The following MEMO1 variants were observed in gnomAD, a reference collection of about 807,000 sequenced individuals.
The protein encoded by MEMO1 is protein MEMO1.
Under a neutral mutation model 45.2 loss-of-function variants are expected in MEMO1, and 6 were observed. The observed-to-expected ratio is 0.13, with a 90% CI of 0.07 to 0.26. The LOEUF (loss-of-function observed/expected upper bound fraction) is 0.26, where lower values mean the gene tolerates loss of function less well. Among genes scored for constraint, MEMO1 ranks in the 10% least tolerant of loss-of-function variants. MEMO1 has a pLI of 1.00. For synonymous variants in MEMO1, 78 were observed against 124.3 expected (o/e 0.63, Z 2.48); for missense variants, 184 against 370.5 (o/e 0.50, Z 4.13).
chr2:31,965,290 A>AAG lies in MEMO1; in HGVS notation c.62-21909_62-21908dup, dbSNP rs1256330545. 1.6e-4 allele frequency among the ~76,000 whole-genome samples: 24 copies of AAG among 150,152 alleles called. No individual in the cohort carries two copies. In the East Asian group the frequency reaches 3.6e-3, roughly 22 times the overall value. ...GAAGGAAGGGAAGAGAAGGGAAGGG[A>AAG]AGAAGGGAAGGAGGGAAGGAGGGAC... is the stretch of plus-strand genomic sequence containing the variant. On this transcript the variant is annotated intron_variant, in intron 2 of 9. Coordinates refer to ENST00000404530, the MANE Select transcript of MEMO1 (RefSeq NM_001301833.4).
intron 6 of MEMO1, among the ~76,000 whole-genome samples, chr2:31,915,748 G>A (rs1681345467): frequency 6.6e-6 from 1 of 152,186 alleles, no homozygotes; most frequent in South Asian, 2.1e-4. Context: ...AGCCCCATTT[G>A]AGCCACCTAA....
chr2:31,872,924 G>T (rs751245794), intron 8 of MEMO1, among the ~76,000 whole-genome samples: 1 of 152,086 alleles, frequency 6.6e-6, no homozygotes, highest in Non-Finnish European at 1.5e-5. Context: ...TTTAGAAATG[G>T]AACATTATTA....
intron 3 of MEMO1, among the ~76,000 whole-genome samples, chr2:31,933,348 A>AAAAATATATATATATAT (rs1558514269): frequency 6.2e-5 from 1 of 16,184 alleles, no homozygotes; most frequent in Non-Finnish European, 1.0e-4. Context: ...AAAAAAAAAA[A>AAAAATATATATATATAT]ATTTATATAT....
intron 2 of MEMO1, among the ~76,000 whole-genome samples, chr2:31,981,143 C>T (rs1670586944): frequency 6.6e-6 from 1 of 152,088 alleles, no homozygotes. Flanking sequence ...ACAGACAATC[C>T]CCATTACTAA....
At chr2:31,930,656 A>G (rs1038412037) in intron 4 of MEMO1, among the ~76,000 whole-genome samples, 1 of 151,204 alleles carries the variant, frequency 6.6e-6, no homozygotes, top group African/African-American at 2.4e-5. Context: ...ATATATATAT[A>G]TTTTTTTTGA....
chr2:31,990,798 G>A (rs563551520), intron 2 of MEMO1, among the ~76,000 whole-genome samples: 3 of 151,952 alleles, frequency 2.0e-5, no homozygotes, highest in African/African-American at 4.8e-5. Context: ...ACTCTTTAGG[G>A]CTATCAATAA....
chr2:31,963,024 GCAA>G lies in MEMO1; in HGVS notation c.62-19644_62-19642del, dbSNP rs1239823012. On this transcript the variant is annotated intron_variant, in intron 2 of 9. Transcript: ENST00000404530. ...TAATTCCTCCTGACTAAGCCTTCAA[GCAA>G]CAACATCAGATTTCTTCTGCCTTCA... 9.3e-6 allele frequency: 11 copies of G among 1,187,552 alleles called. No homozygotes were observed. The African/African-American group carries it at 1.2e-4, about 13-fold the overall frequency. 73.6% of individuals were successfully genotyped at this position (1,187,552 alleles called of 1,614,324 possible). A position where few individuals can be genotyped will look rare whatever the true frequency, so the allele number is the denominator to read the frequency against.
At chr2:31,975,646 C>A (rs554413430) in intron 2 of MEMO1, among the ~76,000 whole-genome samples, 2 of 152,246 alleles carry the variant, frequency 1.3e-5, no homozygotes, top group South Asian at 2.1e-4. Flanking sequence ...AACTCTGATA[C>A]ATTTAAATGT....
At chr2:31,982,653 G>A (rs1670791093) in intron 2 of MEMO1, among the ~76,000 whole-genome samples, 1 of 151,220 alleles carries the variant, frequency 6.6e-6, no homozygotes, top group South Asian at 2.1e-4. Context: ...TTAACTTTGG[G>A]AAATGATGCT....
intron 5 of MEMO1, among the ~76,000 whole-genome samples, chr2:31,918,838 T>G (rs771479413): frequency 3.3e-5 from 5 of 152,188 alleles, no homozygotes; most frequent in African/African-American, 9.6e-5. Flanking sequence ...AAGAAAGAAA[T>G]AAATGGTTGT....
chr2:31,988,300 A>C (rs1355138268), intron 2 of MEMO1, among the ~76,000 whole-genome samples: 1 of 152,052 alleles, frequency 6.6e-6, no homozygotes, highest in African/African-American at 2.4e-5. Flanking sequence ...TAATCCCAGC[A>C]CTTCGGGAGG....
At chr2:31,965,321 G>A (rs1408576628) in intron 2 of MEMO1, among the ~76,000 whole-genome samples, 1 of 151,958 alleles carries the variant, frequency 6.6e-6, no homozygotes. Flanking sequence ...GGGACGGAGG[G>A]AGGAAGAGAG....
chr2:31,948,980 T>C (rs759368431), intron 2 of MEMO1, among the ~76,000 whole-genome samples: 156 of 152,106 alleles, frequency 1.0e-3, no homozygotes, highest in Non-Finnish European at 1.9e-3. Context: ...CAAAAGAAGA[T>C]ATACAATGGC....
chr2:31,994,862 C>G (rs1467172505), intron 2 of MEMO1, among the ~76,000 whole-genome samples: 1 of 151,590 alleles, frequency 6.6e-6, no homozygotes, highest in Non-Finnish European at 1.5e-5. Context: ...GCAGGAGGAT[C>G]AATTGAGCCC....
rs916007880 is a variant in MEMO1 at position 31,878,698 on chromosome 2, G to C, written c.657+4688C>G. On this transcript the variant is annotated intron_variant, in intron 8 of 9. Transcript: ENST00000404530. ...CTTTCATAAAATTTAGTACAAACTT[G>C]CTAAAGACCATGTCCAGGAAGACTT... Among the ~76,000 whole-genome samples the C allele has an allele frequency of 7.2e-5, 11 of 152,046 alleles. No individual in the cohort carries two copies. In the East Asian group the frequency reaches 1.9e-3, roughly 27 times the overall value.
intron 3 of MEMO1, among the ~76,000 whole-genome samples, chr2:31,940,091 CTT>C (rs1187322460): frequency 6.6e-6 from 1 of 152,148 alleles, no homozygotes; most frequent in Non-Finnish European, 1.5e-5. Flanking sequence ...ATCACTCACT[CTT>C]GATTTTCCTC....
chr2:31,986,288 A>AGTC lies in MEMO1; in HGVS notation c.61+23896_61+23898dup, dbSNP rs1360784958. On this transcript the variant is annotated intron_variant, in intron 2 of 9. Coordinates refer to ENST00000404530, the MANE Select transcript of MEMO1 (RefSeq NM_001301833.4). ...GTGGCAGGGGCCTGTAGTCCCAGCC[A>AGTC]GTCGGGAGGCTGAGACAGAATACAA... Among the ~76,000 whole-genome samples, 6 of 152,086 alleles carry AGTC rather than the reference A, an allele frequency of 3.9e-5. No individual in the cohort carries two copies. The South Asian group carries it at 1.0e-3, about 26-fold the overall frequency.
intron 6 of MEMO1, among the ~76,000 whole-genome samples, chr2:31,902,190 G>T (rs1464069076): frequency 1.3e-5 from 2 of 152,000 alleles, no homozygotes; most frequent in Admixed American, 1.3e-4. Flanking sequence ...GCAGAGGAGG[G>T]CGGATCACTT....
chr2:31,868,908 T>C (rs1212395000), intron 9 of MEMO1, among the ~76,000 whole-genome samples: 1 of 152,228 alleles, frequency 6.6e-6, no homozygotes, highest in African/African-American at 2.4e-5. Context: ...AAAAGGTATA[T>C]GCTAGGATTT....
Sources: allele counts gnomAD v4.1 joint callset (sites outside exome capture counted in the v4.1 genomes callset), GRCh38; gene constraint gnomAD v4.1.1; transcripts MANE v1.5; gene names NCBI Gene and HGNC (gene_info 2026-07-23, HGNC 2026-07-21).